The following CDK14 variants were observed in gnomAD, a reference collection of about 807,000 sequenced individuals.
CDK14 encodes cyclin-dependent kinase 14.
CDK14 carries 34 observed loss-of-function variants against 60.7 expected under a neutral mutation model. That is an observed-to-expected ratio of 0.56 (90% CI 0.43 to 0.75). CDK14 has a LOEUF of 0.75. Among genes scored for constraint, CDK14 ranks in the 30% least tolerant of loss-of-function variants. CDK14 has a pLI of 0.00. For synonymous variants in CDK14, 197 were observed against 203.7 expected (o/e 0.97, Z 0.28); for missense variants, 482 against 564.1 (o/e 0.85, Z 1.47).
intron 10 of CDK14, among the ~76,000 whole-genome samples, chr7:91,028,386 T>C (rs747914336): frequency 1.6e-4 from 25 of 152,210 alleles, no homozygotes; most frequent in Non-Finnish European, 3.4e-4. Flanking sequence ...AGTCCTACAA[T>C]TAATGTGGGA....
intron 12 of CDK14, among the ~76,000 whole-genome samples, chr7:91,106,836 G>T (rs1319543579): frequency 1.3e-5 from 2 of 152,192 alleles, no homozygotes; most frequent in Non-Finnish European, 1.5e-5. Context: ...CTAGCTGCAG[G>T]TTGGGCAGTT....
intron 8 of CDK14, among the ~76,000 whole-genome samples, chr7:90,924,652 C>T (rs1284258621): frequency 6.6e-6 from 1 of 152,160 alleles, no homozygotes; most frequent in African/African-American, 2.4e-5. Context: ...GCGAGAAAAA[C>T]TGACCAGCTA....
At chr7:91,045,738 C>CTGGGTTTG (rs1337865176) in intron 10 of CDK14, among the ~76,000 whole-genome samples, 159 bp from the exon 11 acceptor site, 1 of 152,028 alleles carries the variant, frequency 6.6e-6, no homozygotes, top group East Asian at 1.9e-4. Flanking sequence ...GGCTCTTTAG[C>CTGGGTTTG]TGGGTTTGTT....
intron 4 of CDK14, among the ~76,000 whole-genome samples, chr7:90,763,460 G>A (rs554756219): frequency 1.4e-4 from 21 of 152,258 alleles, no homozygotes; most frequent in Middle Eastern, 3.4e-3. Context: ...TTTGGGGGCC[G>A]TGTTTTAAAA....
chr7:91,030,961 A>AT (rs1215499544), intron 10 of CDK14, among the ~76,000 whole-genome samples: 1 of 152,202 alleles, frequency 6.6e-6, no homozygotes, highest in African/African-American at 2.4e-5. Context: ...GTCTGCTTCT[A>AT]TAGGAGTGCT....
intron 10 of CDK14, among the ~76,000 whole-genome samples, chr7:90,987,847 G>A (rs1290378902): frequency 6.6e-6 from 1 of 152,092 alleles, no homozygotes; most frequent in African/African-American, 2.4e-5. Flanking sequence ...TTCTAAAGTG[G>A]CAATTGTATA....
intron 12 of CDK14, among the ~76,000 whole-genome samples, chr7:91,102,053 ACTT>A (rs1005243450): frequency 6.6e-6 from 1 of 152,170 alleles, no homozygotes; most frequent in African/African-American, 2.4e-5. Context: ...TGGTGGGTGG[ACTT>A]CTTCACAAAT....
intron 10 of CDK14, among the ~76,000 whole-genome samples, chr7:91,018,262 T>C (rs1018142334): frequency 1.3e-5 from 2 of 152,194 alleles, no homozygotes; most frequent in African/African-American, 4.8e-5. Context: ...CCTCATACAA[T>C]GAACTTCACT....
chr7:91,115,522 G>A (rs1276774763), intron 13 of CDK14, among the ~76,000 whole-genome samples: 1 of 152,138 alleles, frequency 6.6e-6, no homozygotes, highest in Non-Finnish European at 1.5e-5. Context: ...TGAATTTGAG[G>A]ACGGACACAA....
chr7:91,143,254 T>G (rs1800519816), intron 14 of CDK14, among the ~76,000 whole-genome samples: 1 of 152,042 alleles, frequency 6.6e-6, no homozygotes, highest in Non-Finnish European at 1.5e-5. Context: ...AAAAACAGAG[T>G]AGGTGAGTGG....
intron 8 of CDK14, among the ~76,000 whole-genome samples, chr7:90,944,659 G>A (rs1794044599): frequency 6.6e-6 from 1 of 152,352 alleles, no homozygotes. Context: ...TTGAGCCCAG[G>A]AGTGTGAGGC....
At chr7:90,771,750 A>G (rs1285493999) in intron 4 of CDK14, among the ~76,000 whole-genome samples, 1 of 152,180 alleles carries the variant, frequency 6.6e-6, no homozygotes, top group Non-Finnish European at 1.5e-5. Context: ...ATCAGGGGCC[A>G]AGTGTACTGA....
intron 3 of CDK14, among the ~76,000 whole-genome samples, chr7:90,736,911 C>G (rs759167726): frequency 6.6e-6 from 1 of 152,216 alleles, no homozygotes; most frequent in Non-Finnish European, 1.5e-5. Flanking sequence ...CAGTGGCCAT[C>G]ATGCTAATGT....
Position 90,769,916 on chromosome 7 carries a change from G to C in CDK14, c.465-20657G>C, listed in dbSNP as rs142023690. ...CTGAAGTGTTTATTGAAGCCAACTT[G>C]TGTGAAAGGCATCTATCCAAGGAAA... On this transcript the variant is annotated intron_variant, in intron 4 of 14. Transcript: ENST00000380050. 5.5e-3 allele frequency among the ~76,000 whole-genome samples: 832 copies of C among 152,346 alleles called. 6 individuals are homozygous for C. Among genetic ancestry groups the C allele is most frequent in the Middle Eastern group, 0.02 (6 of 294 alleles).
At chr7:90,717,340 C>T (rs997119331) in intron 2 of CDK14, among the ~76,000 whole-genome samples, 2 of 152,070 alleles carry the variant, frequency 1.3e-5, no homozygotes, top group Non-Finnish European at 2.9e-5. Flanking sequence ...TCTGGAAAGA[C>T]TACCTAATAT....
At chr7:90,681,584 AATAAT>A (rs1395461493) in intron 2 of CDK14, among the ~76,000 whole-genome samples, 2 of 152,310 alleles carry the variant, frequency 1.3e-5, no homozygotes, top group South Asian at 2.1e-4. Flanking sequence ...TTGTGTTTGT[AATAAT>A]ATAACAATTA....
Position 91,091,510 on chromosome 7 carries a change from TATATA to T in CDK14, c.1154+12031_1154+12035del, listed in dbSNP as rs1798824952. On this transcript the variant is annotated intron_variant, in intron 12 of 14. Transcript: ENST00000380050. ...ATGTAGTTTATATATTTTATATATA[TATATA>T]TAAATTAGCCAGGCATGGTGGCATA... 2.2e-5 allele frequency among the ~76,000 whole-genome samples: 3 copies of T among 138,790 alleles called. 1 individual carries two copies. The highest frequency in any genetic ancestry group is 8.4e-5 in the African/African-American group (3 of 35,608). The allele number at this position is 138,790 out of a possible 152,430, so 91.1% of individuals were successfully genotyped here.
rs1799499968 is a variant in CDK14 at position 91,112,674 on chromosome 7, C to T, written c.1287C>T (p.Leu429=). The T allele has an allele frequency of 1.2e-6, 2 of 1,613,394 alleles. No homozygotes were observed. The highest frequency in any genetic ancestry group is 2.2e-5 in the South Asian group (2 of 91,072). The change falls in exon 13 of 15, where the codon CTC becomes CTT. Residue 429 remains leucine, a synonymous_variant. Coordinates refer to ENST00000380050, the MANE Select transcript of CDK14 (RefSeq NM_001287135.2). ...FSDLPPRLWE[L]TDMSSIFTVP... is the part of the protein sequence containing the mutation. ...ACCTGCCGCCACGGCTATGGGAACT[C>T]ACCGACAGTGAGTATGACAAATCCA...
At chr7:90,849,271 C>T (rs773776989) in intron 5 of CDK14, among the ~76,000 whole-genome samples, 9 of 150,432 alleles carry the variant, frequency 6.0e-5, no homozygotes, top group Admixed American at 6.6e-5. Context: ...ATATGCTGCT[C>T]GCTCTTCACC....
Sources: allele counts gnomAD v4.1 joint callset (sites outside exome capture counted in the v4.1 genomes callset), GRCh38; gene constraint gnomAD v4.1.1; transcripts MANE v1.5; gene names NCBI Gene and HGNC (gene_info 2026-07-23, HGNC 2026-07-21).